CFAP210: variants seen among roughly 807,000 people sequenced by gnomAD.
The protein encoded by CFAP210 is cilia- and flagella- associated protein 210.
the CFAP210 span, among the ~76,000 whole-genome samples, chr2:169,657,210 T>C: frequency 2.6e-5 from 4 of 151,808 alleles, no homozygotes; most frequent in Admixed American, 6.6e-5. Flanking sequence ...TCTAGAACAA[T>C]AGAAAGATAA....
At chr2:169,692,219 T>C in the CFAP210 span, among the ~76,000 whole-genome samples, 1 of 152,138 alleles carries the variant, frequency 6.6e-6, no homozygotes. Context: ...GGTCAGCTTG[T>C]TGTTTGCCTC....
chr2:169,685,818 T>A, the CFAP210 span, among the ~76,000 whole-genome samples: 1 of 152,130 alleles, frequency 6.6e-6, no homozygotes, highest in Admixed American at 6.5e-5. Flanking sequence ...GGAGTCAAAA[T>A]TCATTATTTT....
At chr2:169,672,410 C>T in the CFAP210 span, among the ~76,000 whole-genome samples, 4,144 of 152,146 alleles carry the variant, frequency 0.027, 77 homozygotes, top group East Asian at 0.1. Flanking sequence ...TATTACAAGG[C>T]GAAGTCCCAC....
At chr2:169,653,669 G>A in the CFAP210 span, among the ~76,000 whole-genome samples, 6 of 152,118 alleles carry the variant, frequency 3.9e-5, no homozygotes, top group Non-Finnish European at 8.8e-5. Flanking sequence ...TCTCTCTGAT[G>A]TTTCCCTGGT....
chr2:169,690,611 C>T, the CFAP210 span, among the ~76,000 whole-genome samples: 10 of 148,476 alleles, frequency 6.7e-5, no homozygotes, highest in East Asian at 5.9e-4. Flanking sequence ...TGCAGTGAGC[C>T]GAGATCATGC....
chr2:169,661,227 C>T, the CFAP210 span: 5 of 570,152 alleles, frequency 8.8e-6, no homozygotes, highest in African/African-American at 7.5e-5. Flanking sequence ...GCTGGATTAC[C>T]TCTTGTATTT....
chr2:169,657,403 G>A, the CFAP210 span, among the ~76,000 whole-genome samples: 6 of 151,948 alleles, frequency 3.9e-5, no homozygotes, highest in South Asian at 2.1e-4. Flanking sequence ...AAAACCATTC[G>A]GACAGAAAGA....
chr2:169,692,822 T>A, the CFAP210 span, among the ~76,000 whole-genome samples: 1 of 152,210 alleles, frequency 6.6e-6, no homozygotes, highest in Non-Finnish European at 1.5e-5. Flanking sequence ...GTGGGTCAAA[T>A]TCTGTTTTGT....
At chr2:169,647,727 C>T in the CFAP210 span, among the ~76,000 whole-genome samples, 3 of 151,950 alleles carry the variant, frequency 2.0e-5, no homozygotes, top group South Asian at 6.2e-4. Context: ...AACTTTTATA[C>T]ATCAAAGATA....
chr2:169,687,355 A>T, the CFAP210 span, among the ~76,000 whole-genome samples: 3 of 152,210 alleles, frequency 2.0e-5, no homozygotes, highest in African/African-American at 7.2e-5. Flanking sequence ...GAGACAAGGC[A>T]AGTCCCTTCT....
chr2:169,645,595 T>C, the CFAP210 span: 2 of 404,998 alleles, frequency 4.9e-6, no homozygotes, highest in Admixed American at 7.9e-5. Flanking sequence ...CTACACAATA[T>C]TTTGAATGTA....
At chr2:169,681,549 A>G in the CFAP210 span, among the ~76,000 whole-genome samples, 1 of 152,204 alleles carries the variant, frequency 6.6e-6, no homozygotes, top group Non-Finnish European at 1.5e-5. Flanking sequence ...ACAGCTTGTT[A>G]TAAAAGTATT....
At chr2:169,690,303 T>C in the CFAP210 span, among the ~76,000 whole-genome samples, 103 of 152,384 alleles carry the variant, frequency 6.8e-4, no homozygotes, top group Non-Finnish European at 1.2e-3. Flanking sequence ...AAAGTGCTCC[T>C]TCCTCTTATT....
the CFAP210 span, chr2:169,694,320 G>T: frequency 6.2e-7 from 1 of 1,614,040 alleles, no homozygotes; most frequent in Non-Finnish European, 8.5e-7. Context: ...CTCTGACGAG[G>T]TGTCCATGAT....
At chr2:169,690,150 T>G in the CFAP210 span, among the ~76,000 whole-genome samples, 1 of 152,120 alleles carries the variant, frequency 6.6e-6, no homozygotes, top group South Asian at 2.1e-4. Context: ...CTGGGAGGTG[T>G]GTGCCACATC....
At chr2:169,694,186 C>T in the CFAP210 span, 2 of 1,429,030 alleles carry the variant, frequency 1.4e-6, no homozygotes, top group Non-Finnish European at 2.0e-6. Context: ...AGCCCTCATT[C>T]GGCATCCTCG....
the CFAP210 span, among the ~76,000 whole-genome samples, chr2:169,669,796 C>T: frequency 3.4e-5 from 5 of 149,114 alleles, no homozygotes; most frequent in South Asian, 8.5e-4. Flanking sequence ...AAAAAAAATG[C>T]CGCTGGAAAC....
At chr2:169,681,022 C>A in the CFAP210 span, 7 of 1,613,644 alleles carry the variant, frequency 4.3e-6, no homozygotes, top group African/African-American at 1.3e-5. Flanking sequence ...ATGTATTAGT[C>A]CAGTGTTTTA....
the CFAP210 span, among the ~76,000 whole-genome samples, chr2:169,668,863 A>C: frequency 2.0e-5 from 3 of 152,214 alleles, no homozygotes; most frequent in Non-Finnish European, 4.4e-5. Flanking sequence ...ATACAGCGAG[A>C]GTTACCAAAA....
Sources: allele counts gnomAD v4.1 joint callset (sites outside exome capture counted in the v4.1 genomes callset), GRCh38; gene constraint gnomAD v4.1.1; transcripts MANE v1.5; gene names NCBI Gene and HGNC (gene_info 2026-07-23, HGNC 2026-07-21).